The following AOPEP variants were observed in gnomAD, a reference collection of about 807,000 sequenced individuals.
AOPEP encodes the protein aminopeptidase O.
Under a neutral mutation model 98.1 loss-of-function variants are expected in AOPEP, and 77 were observed. That is an observed-to-expected ratio of 0.78 (90% CI 0.65 to 0.95). The LOEUF (loss-of-function observed/expected upper bound fraction) is 0.95, where lower values mean the gene tolerates loss of function less well. Among genes scored for constraint, AOPEP ranks in the 40% least tolerant of loss-of-function variants. The pLI, the probability that AOPEP is intolerant of heterozygous loss-of-function variation, is 0.00. For missense variants in AOPEP, 1,024 were observed against 1,024.7 expected (o/e 1.00, Z 0.01); for synonymous variants, 346 against 365.3 (o/e 0.95, Z 0.60).
intron 5 of AOPEP, among the ~76,000 whole-genome samples, chr9:94,866,261 G>C (rs1249739641): frequency 6.6e-6 from 1 of 152,120 alleles, no homozygotes; most frequent in East Asian, 1.9e-4. Flanking sequence ...GCTCACCAGC[G>C]TGTTTTATTT....
intron 14 of AOPEP, among the ~76,000 whole-genome samples, chr9:95,064,538 C>G (rs756451725): frequency 7.9e-5 from 12 of 152,238 alleles, no homozygotes; most frequent in Non-Finnish European, 1.3e-4. Flanking sequence ...ATCCACCTGC[C>G]TTGGCTTCCC....
intron 9 of AOPEP, among the ~76,000 whole-genome samples, chr9:94,957,248 C>T (rs553982025): frequency 2.6e-5 from 4 of 152,296 alleles, no homozygotes; most frequent in South Asian, 2.1e-4. Context: ...TCCTCTGTCG[C>T]CTAGGCTGGA....
chr9:94,882,412 G>A (rs1337350146), intron 5 of AOPEP, among the ~76,000 whole-genome samples: 3 of 152,190 alleles, frequency 2.0e-5, no homozygotes, highest in Non-Finnish European at 4.4e-5. Flanking sequence ...ACATCTCATT[G>A]TTTTGTGGGG....
At chr9:94,852,891 G>A (rs2043729460) in intron 5 of AOPEP, among the ~76,000 whole-genome samples, 1 of 152,106 alleles carries the variant, frequency 6.6e-6, no homozygotes, top group Admixed American at 6.6e-5. Context: ...TCCATTATCT[G>A]CCATTCTTAT....
chr9:95,137,134 T>G, the AOPEP span, among the ~76,000 whole-genome samples: 1 of 152,188 alleles, frequency 6.6e-6, no homozygotes, highest in Non-Finnish European at 1.5e-5. Context: ...AACAACCCCT[T>G]CAAGGCCTGT....
intron 7 of AOPEP, among the ~76,000 whole-genome samples, chr9:94,940,814 C>T (rs1486901522): frequency 1.3e-5 from 2 of 152,016 alleles, no homozygotes; most frequent in East Asian, 1.9e-4. Flanking sequence ...CCCTCATGTC[C>T]GCATGGCTCT....
At chr9:94,863,501 C>T (rs2045344132) in intron 5 of AOPEP, among the ~76,000 whole-genome samples, 2 of 151,968 alleles carry the variant, frequency 1.3e-5, no homozygotes, top group African/African-American at 2.4e-5. Flanking sequence ...AGGCTGGTCT[C>T]AAACTCCTAA....
At chr9:95,006,903 T>A (rs2062068776) in intron 13 of AOPEP, among the ~76,000 whole-genome samples, 1 of 6,100 alleles carries the variant, frequency 1.6e-4, no homozygotes. Flanking sequence ...TGCTGTTAAT[T>A]TTTTTTTTTT....
chr9:95,026,878 G>A (rs1341347992), intron 13 of AOPEP, among the ~76,000 whole-genome samples: 1 of 152,150 alleles, frequency 6.6e-6, no homozygotes, highest in Non-Finnish European at 1.5e-5. Flanking sequence ...AACCTTAACT[G>A]TTGACTTGTT....
At chr9:94,827,084 C>T (rs1014995070) in intron 5 of AOPEP, among the ~76,000 whole-genome samples, 1 of 152,140 alleles carries the variant, frequency 6.6e-6, no homozygotes, top group Non-Finnish European at 1.5e-5. Context: ...TTTTCAGAAG[C>T]TGGTCTCCAT....
chr9:95,047,100 A>T (rs2065924793), intron 13 of AOPEP, among the ~76,000 whole-genome samples: 1 of 152,152 alleles, frequency 6.6e-6, no homozygotes, highest in African/African-American at 2.4e-5. Context: ...ACAGTTTAGG[A>T]TTTTCTTGAC....
chr9:95,120,227 A>G, the AOPEP span, among the ~76,000 whole-genome samples: 1 of 152,188 alleles, frequency 6.6e-6, no homozygotes, highest in African/African-American at 2.4e-5. Context: ...ATTTTTCTAC[A>G]TATGGACATC....
chr9:95,037,895 T>C (rs1361974794), intron 13 of AOPEP, among the ~76,000 whole-genome samples: 1 of 152,190 alleles, frequency 6.6e-6, no homozygotes, highest in African/African-American at 2.4e-5. Context: ...CTTTCTGCCT[T>C]GAGACCCTGA....
chr9:95,041,893 C>G (rs1310892830), intron 13 of AOPEP, among the ~76,000 whole-genome samples: 1 of 152,156 alleles, frequency 6.6e-6, no homozygotes, highest in Non-Finnish European at 1.5e-5. Context: ...ACAAACTCTT[C>G]AACCTTCAGA....
At chr9:94,900,913 AAGG>A (rs2050306898) in intron 5 of AOPEP, 1 of 152,050 alleles carries the variant, frequency 6.6e-6, no homozygotes, top group Non-Finnish European at 1.5e-5. Context: ...AATGCTTTCC[AAGG>A]GCCCATTTTT....
At chr9:95,037,193 AT>A (rs536384773) in intron 13 of AOPEP, among the ~76,000 whole-genome samples, 287 of 149,614 alleles carry the variant, frequency 1.9e-3, no homozygotes, top group African/African-American at 6.2e-3. Flanking sequence ...TTTCAGGATA[AT>A]TTTTTTTTTA....
At chr9:95,048,128 G>T (rs547200649) in intron 13 of AOPEP, among the ~76,000 whole-genome samples, 7 of 144,580 alleles carry the variant, frequency 4.8e-5, no homozygotes, top group African/African-American at 1.3e-4. Flanking sequence ...TTATTGGTAA[G>T]TTTTTTTTTT....
At chr9:94,799,679 A>G (rs539697670) in intron 4 of AOPEP, among the ~76,000 whole-genome samples, 11 of 152,216 alleles carry the variant, frequency 7.2e-5, no homozygotes, top group South Asian at 4.2e-4. Context: ...CCTGGCCAAC[A>G]TGGTAAAACC....
intron 9 of AOPEP, among the ~76,000 whole-genome samples, chr9:94,959,105 G>A (rs2058654322): frequency 6.6e-6 from 1 of 151,844 alleles, no homozygotes; most frequent in South Asian, 2.1e-4. Flanking sequence ...GTGCAGTGGC[G>A]CGGTCTCGGC....
Sources: gnomAD v4.1 joint callset for allele counts (sites outside exome capture counted in the v4.1 genomes callset) on GRCh38, gnomAD v4.1.1 for gene constraint, MANE v1.5 for transcripts, NCBI Gene and HGNC (gene_info 2026-07-23, HGNC 2026-07-21) for gene names.